TLDC2: variants seen among roughly 807,000 people sequenced by gnomAD.
TLDC2 encodes the protein TBC/LysM-associated domain containing 2.
A neutral mutation model predicts 27.9 loss-of-function variants in TLDC2; 23 were observed. The ratio of observed to expected loss-of-function variants is 0.82; its 90% CI spans 0.59 to 1.17. The LOEUF is 1.17. Ranked by LOEUF, TLDC2 falls within the 50% of genes most tolerant of loss-of-function variation. The pLI is 0.00. For synonymous variants in TLDC2, 124 were observed against 107.4 expected, an observed-to-expected ratio of 1.16 and a Z score of -0.96; for missense variants, 286 against 273.4, an observed-to-expected ratio of 1.05 and a Z score of -0.32.
rs1016320913 is a variant in TLDC2 at position 36,879,274 on chromosome 20, G to A, written c.342+81G>A. On this transcript the variant is annotated intron_variant, in intron 3 of 6. Transcript: ENST00000217320. ...TGGGCCCTGTCCCAGGGCAGCTCAGGGACAAGCAGGCAGAGTGACAGACTA... is the reference window on the plus strand; with the variant it reads ...TGGGCCCTGTCCCAGGGCAGCTCAGAGACAAGCAGGCAGAGTGACAGACTA... The A allele has an allele frequency of 6.7e-6, 10 of 1,498,750 alleles. No homozygotes were observed. The African/African-American group carries it at 1.3e-4, about 19-fold the overall frequency. 92.8% of individuals were successfully genotyped at this position (1,498,750 alleles called of 1,614,324 possible).
Position 36,892,885 on chromosome 20 carries a change from A to G in TLDC2, c.*41A>G. 1 of 1,611,436 alleles carries G rather than the reference A, an allele frequency of 6.2e-7. No individual in the cohort carries two copies. The highest frequency in any genetic ancestry group is 8.5e-7 in the Non-Finnish European group (1 of 1,177,604). ...AGAATTCTATGATTGAAGCCTCTAA[A>G]TGAATTGTGCAGGAGAGGGAGTTTG... is the stretch of plus-strand genomic sequence containing the variant. On this transcript the variant is annotated 3_prime_UTR_variant, in exon 7 of 7. Coordinates refer to ENST00000217320, the MANE Select transcript of TLDC2 (RefSeq NM_080628.3).
chr20:36,876,248 G>A (rs751749435), intron 1 of TLDC2, 41 bp downstream of exon 1: 2 of 1,613,948 alleles, frequency 1.2e-6, no homozygotes, highest in Non-Finnish European at 8.5e-7. Context: ...GTTGGGAGGT[G>A]AAAGGAGGTG....
Position 36,879,266 on chromosome 20 carries a change from C to A in TLDC2, c.342+73C>A, listed in dbSNP as rs1029622522. The A allele has an allele frequency of 3.9e-6, 6 of 1,524,926 alleles. No homozygotes were observed. The South Asian group carries it at 4.9e-5, about 13-fold the overall frequency. The allele number at this position is 1,524,926 out of a possible 1,614,324, so 94.5% of individuals were successfully genotyped here. On this transcript the variant is annotated intron_variant, in intron 3 of 6. Transcript: ENST00000217320. The stretch of plus-strand genomic sequence containing the variant: ...GGTACTCATGGGCCCTGTCCCAGGG[C>A]AGCTCAGGGACAAGCAGGCAGAGTG...
upstream of TLDC2, chr20:36,876,121 G>A: frequency 6.2e-7 from 1 of 1,612,890 alleles, no homozygotes; most frequent in Non-Finnish European, 8.5e-7. Context: ...TTCCTTCCTG[G>A]GCAGGGCTGA....
chr20:36,877,898 G>A lies in TLDC2; in HGVS notation c.34-1G>A. On this transcript the variant is annotated splice_acceptor_variant, in intron 1 of 6. Transcript: ENST00000217320. LOFTEE classifies it high-confidence loss of function. ...CACCAGGCCACTTTGTGTTTTTGCAGCCCAGCCAGGTGGAGGACACCCTGT... is the reference window on the plus strand; with the variant it reads ...CACCAGGCCACTTTGTGTTTTTGCAACCCAGCCAGGTGGAGGACACCCTGT... 6.2e-7 allele frequency: 1 copy of A among 1,611,164 alleles called. No individual in the cohort carries two copies. The highest frequency in any genetic ancestry group is 8.5e-7 in the Non-Finnish European group (1 of 1,178,860).
intron 4 of TLDC2, 136 bp from the exon 5 acceptor site, chr20:36,887,308 TCCCTGAGCCCG>T (rs1899927802): frequency 1.4e-6 from 1 of 711,860 alleles, no homozygotes; most frequent in Non-Finnish European, 2.6e-6. Flanking sequence ...AACCCCAAGA[TCCCTGAGCCCG>T]GAGTCCCACC....
intron 6 of TLDC2, chr20:36,891,173 GT>G (rs1319691631): frequency 6.6e-6 from 1 of 152,232 alleles, no homozygotes; most frequent in Non-Finnish European, 1.5e-5. Flanking sequence ...GAGGAGAAGT[GT>G]TTTAACTATT....
rs1989943899 is a variant in TLDC2 at position 36,887,377 on chromosome 20, T to G, written c.439-78T>G. 3 of 1,284,866 alleles carry G rather than the reference T, an allele frequency of 2.3e-6. No individual in the cohort carries two copies. The Admixed American group carries it at 5.0e-5, about 22-fold the overall frequency. 79.6% of individuals were successfully genotyped at this position (1,284,866 alleles called of 1,614,324 possible). On this transcript the variant is annotated intron_variant, in intron 4 of 6. Coordinates refer to ENST00000217320, the MANE Select transcript of TLDC2 (RefSeq NM_080628.3). ...TGCTGTTCCCGCCACAACACTGCCATCCAGTGGTTCGGGGTCAAACTGCAA... is the reference window on the plus strand; with the variant it reads ...TGCTGTTCCCGCCACAACACTGCCAGCCAGTGGTTCGGGGTCAAACTGCAA...
chr20:36,876,242 G>T lies in TLDC2; in HGVS notation c.33+35G>T, dbSNP rs1273750990. 2.5e-6 allele frequency: 4 copies of T among 1,613,930 alleles called. No homozygotes were observed. In the South Asian group the frequency reaches 4.4e-5, roughly 18 times the overall value. On this transcript the variant is annotated intron_variant, in intron 1 of 6. Transcript: ENST00000217320. The stretch of plus-strand genomic sequence containing the variant: ...CCAACTCCGTCTGTGGTGCAGGTTG[G>T]GAGGTGAAAGGAGGTGAGGTCTCTG...
At chr20:36,892,196 A>G (rs968868506) in intron 6 of TLDC2, 2 of 152,574 alleles carry the variant, frequency 1.3e-5, no homozygotes, top group African/African-American at 4.8e-5. Flanking sequence ...TCTTCCCCAA[A>G]ACCTAATCAG....
chr20:36,879,007 G>T (rs1020175507), intron 2 of TLDC2, 34 bp from the exon 3 acceptor site: 2 of 1,613,940 alleles, frequency 1.2e-6, no homozygotes, highest in Admixed American at 3.3e-5. Context: ...GGCGCGAGGA[G>T]AACTCCTCCA....
chr20:36,889,395 C>A lies in TLDC2; in HGVS notation c.*9C>A, dbSNP rs373354839. ...CTTGGCTTCTCAGCTGACAGCCCTG[C>A]GGCAACAGGTACTCAGCCCTGCTCA... On this transcript the variant is annotated 3_prime_UTR_variant, in exon 6 of 7. Transcript: ENST00000217320. 1 of 1,612,740 alleles carries A rather than the reference C, an allele frequency of 6.2e-7. No homozygotes were observed. Among genetic ancestry groups the A allele is most frequent in the Non-Finnish European group, 8.5e-7 (1 of 1,179,732 alleles).
In TLDC2 at chr20:36,894,217, A is replaced by G. The variant is rs1383042760; in HGVS notation, c.*1373A>G. ...CTGGATCTGACTTGATAGAACTATT[A>G]AAAATAGTTTTTAAAAAATGTGTTA... On this transcript the variant is annotated 3_prime_UTR_variant, in exon 7 of 7. Transcript: ENST00000217320. The G allele has an allele frequency of 6.1e-6, 2 of 330,320 alleles. No homozygotes were observed. The highest frequency in any genetic ancestry group is 1.1e-5 in the Non-Finnish European group (2 of 185,552). 20.5% of individuals were successfully genotyped at this position (330,320 alleles called of 1,614,324 possible).
intron 3 of TLDC2, among the ~76,000 whole-genome samples, chr20:36,879,678 A>C (rs1004600973): frequency 5.9e-5 from 9 of 151,944 alleles, no homozygotes; most frequent in African/African-American, 2.2e-4. Flanking sequence ...CTCTAAAAAA[A>C]CCCAAAACCA....
chr20:36,885,852 TAAAG>T (rs1989909660), intron 4 of TLDC2, among the ~76,000 whole-genome samples: 1 of 151,918 alleles, frequency 6.6e-6, no homozygotes, highest in African/African-American at 2.4e-5. Context: ...TATAAATAAA[TAAAG>T]AGGAATGAAA....
intron 5 of TLDC2, among the ~76,000 whole-genome samples, chr20:36,888,704 C>CAAAAAA (rs35828858): frequency 2.2e-4 from 14 of 62,738 alleles, no homozygotes; most frequent in Non-Finnish European, 3.9e-4. Flanking sequence ...AGACTCCTAT[C>CAAAAAA]AAAAAAAAAA....
At position 36,889,417 on chromosome 20, in the gene TLDC2, CTCA is replaced by C; in HGVS notation, c.*17+16_*17+18del. 6.2e-7 allele frequency: 1 copy of C among 1,607,964 alleles called. No individual in the cohort carries two copies. The highest frequency in any genetic ancestry group is 8.5e-7 in the Non-Finnish European group (1 of 1,177,850). ...CTGCGGCAACAGGTACTCAGCCCTGCTCATGATGCCACCCAGGCCTTCCTGACA... is the reference window on the plus strand; with the variant it reads ...CTGCGGCAACAGGTACTCAGCCCTGCTGATGCCACCCAGGCCTTCCTGACA... On this transcript the variant is annotated intron_variant, in intron 6 of 6. Coordinates refer to ENST00000217320, the MANE Select transcript of TLDC2 (RefSeq NM_080628.3).
At chr20:36,887,925 GA>G (rs201264690) in intron 5 of TLDC2, among the ~76,000 whole-genome samples, 3 of 151,874 alleles carry the variant, frequency 2.0e-5, no homozygotes, top group Non-Finnish European at 4.4e-5. Flanking sequence ...AGAGAGGTAG[GA>G]AAAAAAAGTT....
chr20:36,882,577 A>G (rs1284072871), intron 4 of TLDC2, among the ~76,000 whole-genome samples: 2 of 152,164 alleles, frequency 1.3e-5, no homozygotes, highest in African/African-American at 4.8e-5. Context: ...CGTTCCAGGT[A>G]TTCTGCTATT....
Sources: allele counts gnomAD v4.1 joint callset (sites outside exome capture counted in the v4.1 genomes callset), GRCh38; gene constraint gnomAD v4.1.1; transcripts MANE v1.5; gene names NCBI Gene and HGNC (gene_info 2026-07-23, HGNC 2026-07-21).